The following KIAA1958 variants were observed in gnomAD, a reference collection of about 807,000 sequenced individuals.
KIAA1958 encodes KIAA1958.
KIAA1958 carries 14 observed loss-of-function variants against 47.2 expected under a neutral mutation model. The observed-to-expected ratio is 0.30, with a 90% CI of 0.20 to 0.46. The LOEUF is 0.46. Ranked by LOEUF, KIAA1958 falls within the 20% of genes least tolerant of loss-of-function variation. The pLI, the probability that KIAA1958 is intolerant of heterozygous loss-of-function variation, is 1.00. For missense variants in KIAA1958, 803 were observed against 909.2 expected, an observed-to-expected ratio of 0.88 and a Z score of 1.50; for synonymous variants, 354 against 353.3, an observed-to-expected ratio of 1.00 and a Z score of -0.02.
At chr9:112,525,191 T>A (rs2132801932) in intron 1 of KIAA1958, among the ~76,000 whole-genome samples, 1 of 152,342 alleles carries the variant, frequency 6.6e-6, no homozygotes, top group Middle Eastern at 3.4e-3. Context: ...TTAGTACATG[T>A]TGACTCTTTA....
chr9:112,498,507 C>T (rs775121217), intron 1 of KIAA1958, among the ~76,000 whole-genome samples: 1 of 152,130 alleles, frequency 6.6e-6, no homozygotes, highest in Non-Finnish European at 1.5e-5. Context: ...ATAAAATTCA[C>T]GGCTTTACCA....
At chr9:112,585,387 A>G (rs866666635) in intron 2 of KIAA1958, among the ~76,000 whole-genome samples, 2 of 152,230 alleles carry the variant, frequency 1.3e-5, no homozygotes, top group African/African-American at 2.4e-5. Context: ...GAATAACGTG[A>G]GCAAAGATGT....
intron 1 of KIAA1958, among the ~76,000 whole-genome samples, chr9:112,520,172 G>A (rs1834512652): frequency 6.6e-6 from 1 of 152,194 alleles, no homozygotes; most frequent in Non-Finnish European, 1.5e-5. Flanking sequence ...AAACACTTAA[G>A]ATGGAAAATA....
intron 1 of KIAA1958, among the ~76,000 whole-genome samples, chr9:112,573,500 T>A (rs971344454): frequency 2.0e-5 from 3 of 152,192 alleles, no homozygotes; most frequent in African/African-American, 7.2e-5. Context: ...CTCCTTGGAC[T>A]CCCAGTTGCA....
In KIAA1958 at chr9:112,574,183, T is replaced by C. The variant is rs373112051; in HGVS notation, c.103T>C (p.Leu35=). ...ICSLIPNLKH[L]LSEGSHGNLT... ...CAGCCTCATTCCAAACCTGAAACACTTGCTTTCTGAAGGTTCCCATGGGAA... is the reference window on the plus strand; with the variant it reads ...CAGCCTCATTCCAAACCTGAAACACCTGCTTTCTGAAGGTTCCCATGGGAA... Residue 35 remains leucine (L), a synonymous_variant, in exon 2 of 4, where the codon TTG becomes CTG. Coordinates refer to ENST00000337530, the MANE Select transcript of KIAA1958 (RefSeq NM_133465.4). 88 of 1,613,962 alleles carry C rather than the reference T, an allele frequency of 5.5e-5. No homozygotes were observed. The highest frequency in any genetic ancestry group is 7.1e-5 in the Non-Finnish European group (84 of 1,179,964).
intron 1 of KIAA1958, among the ~76,000 whole-genome samples, chr9:112,516,088 G>A (rs1377436983): frequency 6.6e-6 from 1 of 152,068 alleles, no homozygotes; most frequent in Non-Finnish European, 1.5e-5. Flanking sequence ...TGTCTATGTA[G>A]CAAATCTTGT....
intron 1 of KIAA1958, among the ~76,000 whole-genome samples, chr9:112,544,623 T>C (rs1834998603): frequency 6.6e-6 from 1 of 152,210 alleles, no homozygotes; most frequent in Non-Finnish European, 1.5e-5. Context: ...AAGTCAGAGC[T>C]CTGTAATCTA....
intron 3 of KIAA1958, among the ~76,000 whole-genome samples, chr9:112,657,043 T>C (rs1467261456): frequency 1.3e-5 from 2 of 152,142 alleles, no homozygotes; most frequent in African/African-American, 4.8e-5. Flanking sequence ...TACATTTTTA[T>C]CTATCCCAAT....
At chr9:112,656,954 C>G (rs1237186892) in intron 3 of KIAA1958, among the ~76,000 whole-genome samples, 1 of 151,996 alleles carries the variant, frequency 6.6e-6, no homozygotes, top group Non-Finnish European at 1.5e-5. Context: ...TACACACTTC[C>G]TTTCCTCCTT....
chr9:112,498,077 G>A (rs568171492), intron 1 of KIAA1958, among the ~76,000 whole-genome samples: 1 of 152,196 alleles, frequency 6.6e-6, no homozygotes, highest in African/African-American at 2.4e-5. Flanking sequence ...TTGTTGCAGG[G>A]AGTTTAATTC....
At chr9:112,593,493 A>G (rs1835962348) in intron 2 of KIAA1958, among the ~76,000 whole-genome samples, 1 of 152,228 alleles carries the variant, frequency 6.6e-6, no homozygotes, top group African/African-American at 2.4e-5. Flanking sequence ...ATTTGAAAGA[A>G]TTGTTCCATA....
intron 1 of KIAA1958, among the ~76,000 whole-genome samples, chr9:112,509,590 G>A (rs939106517): frequency 6.6e-6 from 1 of 152,216 alleles, no homozygotes; most frequent in Admixed American, 6.5e-5. Context: ...GCAAGTCAGT[G>A]TAGTAAGTAA....
chr9:112,493,261 C>T (rs181436785), intron 1 of KIAA1958, among the ~76,000 whole-genome samples: 66 of 151,932 alleles, frequency 4.3e-4, no homozygotes, highest in Non-Finnish European at 2.9e-5. Context: ...AATCTAATAT[C>T]TAGTCGGGGC....
intron 2 of KIAA1958, among the ~76,000 whole-genome samples, chr9:112,635,874 A>T (rs1176609747): frequency 6.6e-6 from 1 of 151,650 alleles, no homozygotes; most frequent in African/African-American, 2.4e-5. Context: ...TCTTAATTGT[A>T]GTGTTTCCTT....
intron 1 of KIAA1958, among the ~76,000 whole-genome samples, chr9:112,560,205 T>C (rs1317263689): frequency 2.4e-5 from 3 of 124,662 alleles, no homozygotes; most frequent in African/African-American, 6.4e-5. Context: ...TTTCTTTTTT[T>C]TTCTTTTTTT....
At chr9:112,547,850 G>A (rs921336176) in intron 1 of KIAA1958, among the ~76,000 whole-genome samples, 3 of 152,148 alleles carry the variant, frequency 2.0e-5, no homozygotes, top group Middle Eastern at 3.4e-3. Context: ...TATTCTCTCT[G>A]AAGCCTGCTG....
At position 112,512,420 on chromosome 9, in the gene KIAA1958, GA is replaced by G. The variant is rs201804068; in HGVS notation, c.-25+25311del. Among the ~76,000 whole-genome samples the G allele has an allele frequency of 6.6e-4, 99 of 149,132 alleles. 1 individual carries two copies. Among genetic ancestry groups the G allele is most frequent in the African/African-American group, 2.4e-3 (97 of 40,606 alleles). On this transcript the variant is annotated intron_variant, in intron 1 of 3. Transcript: ENST00000337530. ...ATATGATCATTTGATTGCTGTAAAT[GA>G]AAAAAAAATTTGAAAAAATCAAACA...
intron 2 of KIAA1958, among the ~76,000 whole-genome samples, chr9:112,608,521 G>A (rs377057400): frequency 6.6e-6 from 1 of 152,168 alleles, no homozygotes; most frequent in Non-Finnish European, 1.5e-5. Flanking sequence ...GGGTGTGGTG[G>A]TGCACACCTG....
At chr9:112,530,929 C>G (rs940650151) in intron 1 of KIAA1958, among the ~76,000 whole-genome samples, 1 of 152,166 alleles carries the variant, frequency 6.6e-6, no homozygotes, top group African/African-American at 2.4e-5. Context: ...CTAAATATTT[C>G]AGAGACTGTT....
Sources: gnomAD v4.1 joint callset for allele counts (sites outside exome capture counted in the v4.1 genomes callset) on GRCh38, gnomAD v4.1.1 for gene constraint, MANE v1.5 for transcripts, NCBI Gene and HGNC (gene_info 2026-07-23, HGNC 2026-07-21) for gene names.